Variants in IL1RAP observed in about 807,000 individuals in gnomAD.
IL1RAP encodes interleukin-1 receptor accessory protein.
IL1RAP carries 35 observed loss-of-function variants against 60.7 expected under a neutral mutation model. The ratio of observed to expected loss-of-function variants is 0.58; its 90% confidence interval spans 0.44 to 0.76. IL1RAP has a LOEUF of 0.76. Ranked by LOEUF, IL1RAP falls within the 30% of genes least tolerant of loss-of-function variation. The pLI is 0.00. For synonymous variants in IL1RAP, 268 were observed against 250.9 expected (o/e 1.07, Z -0.64); for missense variants, 572 against 693.9 (o/e 0.82, Z 1.97).
Position 190,649,298 on chromosome 3 carries a change from CT to C in IL1RAP, c.*595del, listed in dbSNP as rs147130353. The C allele has an allele frequency of 3.8e-4, 374 of 984,926 alleles. No homozygotes were observed. Among genetic ancestry groups the C allele is most frequent in the Non-Finnish European group, 4.3e-4 (357 of 829,094 alleles). 61.0% of individuals were successfully genotyped at this position (984,926 alleles called of 1,614,324 possible). A position where few individuals can be genotyped will look rare whatever the true frequency, so the allele number is the denominator to read the frequency against. On this transcript the variant is annotated 3_prime_UTR_variant, in exon 12 of 12. Transcript: ENST00000447382. ...CTTTTAATTGATTTAAAGGACTTGT[CT>C]TCTATACCACCCTTGTCCTCATCTC... is the stretch of plus-strand genomic sequence containing the variant.
At chr3:190,623,126 A>G (rs763737563) in intron 6 of IL1RAP, among the ~76,000 whole-genome samples, 5 of 152,202 alleles carry the variant, frequency 3.3e-5, no homozygotes, top group Non-Finnish European at 5.9e-5. Flanking sequence ...CATGTCAGGA[A>G]CTGGGAGCAG....
chr3:190,568,208 G>C lies in IL1RAP; in HGVS notation c.64+3855G>C, dbSNP rs181369127. On this transcript the variant is annotated intron_variant, in intron 3 of 11. Coordinates refer to ENST00000447382, the MANE Select transcript of IL1RAP (RefSeq NM_002182.4). ...TGACTGTGTGCCAGGTGCAGGGCTG[G>C]ATTTCACACACATTATCAGGAACTT... Among the ~76,000 whole-genome samples, 371 of 152,244 alleles carry C rather than the reference G, an allele frequency of 2.4e-3. 2 individuals are homozygous for C. The highest frequency in any genetic ancestry group is 8.6e-3 in the African/African-American group (358 of 41,544).
intron 3 of IL1RAP, among the ~76,000 whole-genome samples, chr3:190,597,091 T>C (rs1222297702): frequency 6.6e-6 from 1 of 152,208 alleles, no homozygotes; most frequent in East Asian, 1.9e-4. Context: ...ACACACATAT[T>C]CATTTGGTCC....
intron 3 of IL1RAP, among the ~76,000 whole-genome samples, chr3:190,585,343 C>G (rs1034154031): frequency 1.1e-4 from 17 of 152,298 alleles, no homozygotes; most frequent in Middle Eastern, 3.4e-3. Context: ...CTCCCCACCC[C>G]CTCAGCCCGT....
chr3:190,622,481 T>C (rs1018411486), intron 6 of IL1RAP, among the ~76,000 whole-genome samples: 1 of 152,058 alleles, frequency 6.6e-6, no homozygotes, highest in Non-Finnish European at 1.5e-5. Context: ...CCCCCTACTT[T>C]AGATTCCAGT....
chr3:190,532,541 C>A (rs1723082631), intron 1 of IL1RAP, among the ~76,000 whole-genome samples: 1 of 152,166 alleles, frequency 6.6e-6, no homozygotes, highest in Non-Finnish European at 1.5e-5. Flanking sequence ...GGATAATCAT[C>A]TTGTCTAATT....
At chr3:190,525,678 G>A (rs112602558) in intron 1 of IL1RAP, among the ~76,000 whole-genome samples, 1,558 of 152,248 alleles carry the variant, frequency 0.01, 24 homozygotes, top group African/African-American at 0.035. Context: ...TCATTCATAG[G>A]CTCTCGTTCC....
At chr3:190,522,427 C>CTATCTATGTATCTATG (rs1553824844) in intron 1 of IL1RAP, among the ~76,000 whole-genome samples, 39 of 104,010 alleles carry the variant, frequency 3.7e-4, no homozygotes, top group African/African-American at 1.2e-3. Flanking sequence ...ATGTATCTAT[C>CTATCTATGTATCTATG]TATCTATCTA....
chr3:190,584,935 G>T (rs562379567), intron 3 of IL1RAP, among the ~76,000 whole-genome samples: 4 of 152,226 alleles, frequency 2.6e-5, no homozygotes, highest in Non-Finnish European at 5.9e-5. Flanking sequence ...AATGACCATT[G>T]CCCTGTTAAC....
chr3:190,522,156 A>T (rs1722077190), intron 1 of IL1RAP, among the ~76,000 whole-genome samples: 1 of 152,116 alleles, frequency 6.6e-6, no homozygotes, highest in Admixed American at 6.6e-5. Context: ...GATTGAATGA[A>T]TAGAGTAGAT....
At chr3:190,564,545 A>C in intron 3 of IL1RAP, 192 bp downstream of exon 3, 1 of 606,754 alleles carries the variant, frequency 1.6e-6, no homozygotes, top group South Asian at 1.9e-5. Context: ...TCTAGTCTTC[A>C]TGGGATAGAG....
At position 190,562,780 on chromosome 3, in the gene IL1RAP, AAAG is replaced by A. The variant is rs538809732; in HGVS notation, c.-1-1505_-1-1503del. Among the ~76,000 whole-genome samples the A allele has an allele frequency of 2.4e-3, 365 of 152,164 alleles. 2 individuals are homozygous for A. The highest frequency in any genetic ancestry group is 8.4e-3 in the African/African-American group (349 of 41,526). On this transcript the variant is annotated intron_variant, in intron 2 of 11. Coordinates refer to ENST00000447382, the MANE Select transcript of IL1RAP (RefSeq NM_002182.4). The stretch of plus-strand genomic sequence containing the variant: ...ACACACACAAACTAAAAAATTTGGA[AAAG>A]AAGGAGAAAATGCTCAATACATGTT...
chr3:190,561,421 G>A (rs1413775351), intron 2 of IL1RAP, among the ~76,000 whole-genome samples: 1 of 152,194 alleles, frequency 6.6e-6, no homozygotes, highest in Admixed American at 6.5e-5. Context: ...CCCTGGATGT[G>A]TGTTCGCAGA....
intron 1 of IL1RAP, among the ~76,000 whole-genome samples, chr3:190,554,259 G>A (rs1453001745): frequency 6.6e-6 from 1 of 151,872 alleles, no homozygotes; most frequent in African/African-American, 2.4e-5. Context: ...GGAATTTATT[G>A]GGCAAAAAGG....
At chr3:190,523,950 T>C (rs1722295768) in intron 1 of IL1RAP, among the ~76,000 whole-genome samples, 1 of 152,178 alleles carries the variant, frequency 6.6e-6, no homozygotes. Flanking sequence ...CACACTGTCT[T>C]CCACAATGGT....
At chr3:190,615,522 C>T (rs562141435) in intron 5 of IL1RAP, among the ~76,000 whole-genome samples, 14 of 152,064 alleles carry the variant, frequency 9.2e-5, no homozygotes, top group Non-Finnish European at 1.5e-4. Context: ...ATTTTCTCAC[C>T]GAGGATCAAA....
intron 1 of IL1RAP, among the ~76,000 whole-genome samples, chr3:190,553,953 C>T (rs951002184): frequency 2.7e-5 from 4 of 148,364 alleles, no homozygotes; most frequent in African/African-American, 7.5e-5. Context: ...CCCAGCTACT[C>T]GGGAGGCTGA....
Position 190,623,392 on chromosome 3 carries a change from A to G in IL1RAP, c.752A>G (p.His251Arg). The change falls in exon 7 of 12, where the codon CAT (histidine) becomes CGT (arginine). Residue 251 changes from histidine to arginine, a missense_variant. By Grantham distance (29) the His-to-Arg change is conservative. Coordinates refer to ENST00000447382, the MANE Select transcript of IL1RAP (RefSeq NM_002182.4). ...CCTGTGATCCATTCACCTAATGATCATGTGGTCTATGAGAAAGAACCAGGT... is the reference window on the plus strand; with the variant it reads ...CCTGTGATCCATTCACCTAATGATCGTGTGGTCTATGAGAAAGAACCAGGT... ...VPPVIHSPNDHVVYEKEPGEE... is the reference protein window; with the variant it reads ...VPPVIHSPNDRVVYEKEPGEE... 1 of 1,613,172 alleles carries G rather than the reference A, an allele frequency of 6.2e-7. No homozygotes were observed. Among genetic ancestry groups the G allele is most frequent in the Non-Finnish European group, 8.5e-7 (1 of 1,179,194 alleles).
intron 3 of IL1RAP, among the ~76,000 whole-genome samples, chr3:190,600,147 G>A (rs542992523): frequency 7.2e-5 from 11 of 152,098 alleles, no homozygotes; most frequent in Non-Finnish European, 1.2e-4. Context: ...GTGTGAAGCC[G>A]TGATGCTCGT....
Sources: gnomAD v4.1 joint callset for allele counts (sites outside exome capture counted in the v4.1 genomes callset) on GRCh38, gnomAD v4.1.1 for gene constraint, MANE v1.5 for transcripts, NCBI Gene and HGNC (gene_info 2026-07-23, HGNC 2026-07-21) for gene names.